The following LAPTM4B variants were observed in gnomAD, a reference collection of about 807,000 sequenced individuals.
LAPTM4B encodes the protein lysosomal-associated transmembrane protein 4B.
Under a neutral mutation model 28.5 loss-of-function variants are expected in LAPTM4B, and 26 were observed. That is an observed-to-expected ratio of 0.91 (90% CI 0.67 to 1.27). The LOEUF (loss-of-function observed/expected upper bound fraction) is 1.27. Among genes scored for constraint, LAPTM4B ranks in the 50% most tolerant of loss-of-function variants. The pLI is 0.00. For missense variants in LAPTM4B, 288 were observed against 285.8 expected, an observed-to-expected ratio of 1.01 and a Z score of -0.06; for synonymous variants, 109 against 106.4, an observed-to-expected ratio of 1.02 and a Z score of -0.15.
At chr8:97,780,752 G>A (rs1388795607) in intron 1 of LAPTM4B, among the ~76,000 whole-genome samples, 1 of 152,090 alleles carries the variant, frequency 6.6e-6, no homozygotes, top group East Asian at 1.9e-4. Flanking sequence ...GTTTTAATCT[G>A]TTCTGTTTCC....
At chr8:97,820,772 A>G (rs978319732) in intron 5 of LAPTM4B, among the ~76,000 whole-genome samples, 6 of 151,874 alleles carry the variant, frequency 4.0e-5, no homozygotes, top group African/African-American at 1.4e-4. Context: ...TCTGTCACCT[A>G]GGCTGGAGTG....
intron 1 of LAPTM4B, among the ~76,000 whole-genome samples, chr8:97,793,612 G>GA (rs1167880322): frequency 6.6e-6 from 1 of 152,144 alleles, no homozygotes; most frequent in Non-Finnish European, 1.5e-5. Flanking sequence ...ACACTTCAGC[G>GA]ATAGAGAATT....
At chr8:97,802,864 G>A (rs188686225) in intron 1 of LAPTM4B, among the ~76,000 whole-genome samples, 154 of 152,072 alleles carry the variant, frequency 1.0e-3, no homozygotes, top group African/African-American at 3.6e-3. Context: ...TTTTCGAAAA[G>A]CAATCAGCTT....
In LAPTM4B at chr8:97,834,144, G is replaced by GAAA. The variant is rs554058157; in HGVS notation, c.603+9003_603+9005dup. 9.7e-4 allele frequency among the ~76,000 whole-genome samples: 73 copies of GAAA among 75,346 alleles called. 13 individuals carry two copies. The highest frequency in any genetic ancestry group is 1.9e-3 in the Admixed American group (15 of 7,786). The allele number at this position is 75,346 out of a possible 152,430, so 49.4% of individuals were successfully genotyped here. A position where few individuals can be genotyped will look rare whatever the true frequency, so the allele number is the denominator to read the frequency against. On this transcript the variant is annotated intron_variant, in intron 6 of 6. Coordinates refer to ENST00000521545, the MANE Select transcript of LAPTM4B (RefSeq NM_018407.6). ...ACATAGTGAGACCCCTGTCTCTACAGAAAAAAAAAAAAAATCCAGGTGGCA... is the reference window on the plus strand; with the variant it reads ...ACATAGTGAGACCCCTGTCTCTACAGAAAAAAAAAAAAAAAAATCCAGGTGGCA...
intron 6 of LAPTM4B, among the ~76,000 whole-genome samples, chr8:97,831,420 G>C (rs140362703): frequency 6.6e-6 from 1 of 152,172 alleles, no homozygotes; most frequent in Admixed American, 6.5e-5. Context: ...GTAAATCCTC[G>C]GGCTTGGTGT....
intron 1 of LAPTM4B, among the ~76,000 whole-genome samples, chr8:97,799,767 C>T (rs534675426): frequency 2.6e-5 from 4 of 152,252 alleles, no homozygotes; most frequent in Non-Finnish European, 4.4e-5. Flanking sequence ...GTCCTAGTTT[C>T]GAGGCCTCTT....
At chr8:97,819,114 G>A in intron 4 of LAPTM4B, 26 bp from the exon 5 acceptor site, 3 of 1,347,336 alleles carry the variant, frequency 2.2e-6, no homozygotes, top group Non-Finnish European at 3.2e-6. Context: ...AATGAGATTT[G>A]CTAATGAGGC....
At chr8:97,828,945 G>A (rs1413038165) in intron 6 of LAPTM4B, among the ~76,000 whole-genome samples, 1 of 152,176 alleles carries the variant, frequency 6.6e-6, no homozygotes, top group South Asian at 2.1e-4. Flanking sequence ...TGCAAACTGG[G>A]TTTTGGGAGT....
intron 4 of LAPTM4B, among the ~76,000 whole-genome samples, chr8:97,816,409 G>A (rs1816916698): frequency 6.6e-6 from 1 of 151,890 alleles, no homozygotes; most frequent in African/African-American, 2.4e-5. Context: ...CTGCCTCCAG[G>A]GTCTCAGCCT....
intron 1 of LAPTM4B, among the ~76,000 whole-genome samples, chr8:97,791,371 G>A (rs903676254): frequency 6.6e-6 from 1 of 152,164 alleles, no homozygotes; most frequent in African/African-American, 2.4e-5. Flanking sequence ...TCTCCCAGTA[G>A]GTCTTTGCCT....
chr8:97,792,230 A>G (rs1209739920), intron 1 of LAPTM4B, among the ~76,000 whole-genome samples: 6 of 152,062 alleles, frequency 3.9e-5, no homozygotes, highest in Admixed American at 6.6e-5. Context: ...TGTGTGCTGT[A>G]GAGTTTTTCT....
intron 4 of LAPTM4B, among the ~76,000 whole-genome samples, chr8:97,817,572 C>T (rs1259728275): frequency 6.6e-6 from 1 of 151,176 alleles, no homozygotes; most frequent in Non-Finnish European, 1.5e-5. Flanking sequence ...CCTCAGTCTC[C>T]TGAGTAGCTG....
chr8:97,803,588 G>A (rs758211929), intron 1 of LAPTM4B, among the ~76,000 whole-genome samples: 2 of 152,146 alleles, frequency 1.3e-5, no homozygotes, highest in Non-Finnish European at 2.9e-5. Flanking sequence ...ATAAACTCTT[G>A]AATGGATGTT....
At chr8:97,838,346 C>T (rs550883130) in intron 6 of LAPTM4B, among the ~76,000 whole-genome samples, 1 of 152,324 alleles carries the variant, frequency 6.6e-6, no homozygotes, top group South Asian at 2.1e-4. Flanking sequence ...TGATGCTGTA[C>T]TCCTCTCTGC....
At chr8:97,788,746 G>A (rs1311743629) in intron 1 of LAPTM4B, among the ~76,000 whole-genome samples, 1 of 151,070 alleles carries the variant, frequency 6.6e-6, no homozygotes, top group African/African-American at 2.4e-5. Flanking sequence ...CCAGGTTGGA[G>A]TGCAGTGGCT....
rs759717234 is a variant in LAPTM4B at position 97,775,791 on chromosome 8, C to G, written c.-219C>G. The G allele has an allele frequency of 1.0e-5, 16 of 1,569,780 alleles. No individual in the cohort carries two copies. Among genetic ancestry groups the G allele is most frequent in the Non-Finnish European group, 1.4e-5 (16 of 1,164,046 alleles). On this transcript the variant is annotated 5_prime_UTR_variant, in exon 1 of 7. Transcript: ENST00000521545. ...AAGTCCGCCCCGCCCCCTCCCCGTC[C>G]CCGCCGCTGCAGCGGTCGCCTTCGG...
At chr8:97,809,668 C>G (rs1816799175) in intron 2 of LAPTM4B, among the ~76,000 whole-genome samples, 1 of 152,094 alleles carries the variant, frequency 6.6e-6, no homozygotes, top group African/African-American at 2.4e-5. Context: ...TCACTGCACT[C>G]CAGCCTGGGT....
intron 6 of LAPTM4B, among the ~76,000 whole-genome samples, chr8:97,830,772 AG>A (rs1398114003): frequency 1.3e-5 from 2 of 152,068 alleles, no homozygotes; most frequent in Admixed American, 1.3e-4. Flanking sequence ...GTAGAGTTTG[AG>A]GGGTTAGTTC....
At chr8:97,800,476 CT>C (rs1265031602) in intron 1 of LAPTM4B, among the ~76,000 whole-genome samples, 11 of 132,446 alleles carry the variant, frequency 8.3e-5, no homozygotes, top group African/African-American at 3.3e-4. Context: ...AATATTACCC[CT>C]TGACCTCTTT....
Sources: allele counts gnomAD v4.1 joint callset (sites outside exome capture counted in the v4.1 genomes callset), GRCh38; gene constraint gnomAD v4.1.1; transcripts MANE v1.5; gene names NCBI Gene and HGNC (gene_info 2026-07-23, HGNC 2026-07-21).